ENPP3: variants seen among roughly 807,000 people sequenced by gnomAD.
ENPP3 encodes ectonucleotide pyrophosphatase/phosphodiesterase family member 3.
A neutral mutation model predicts 117.8 loss-of-function variants in ENPP3; 104 were observed. The ratio of observed to expected loss-of-function variants is 0.88; its 90% CI spans 0.75 to 1.04. The LOEUF (loss-of-function observed/expected upper bound fraction) is 1.04. Among genes scored for constraint, ENPP3 ranks in the 50% least tolerant of loss-of-function variants. ENPP3 has a pLI of 0.00. For missense variants in ENPP3, 1,026 were observed against 1,051.9 expected, an observed-to-expected ratio of 0.98 and a Z score of 0.34; for synonymous variants, 380 against 349.9, an observed-to-expected ratio of 1.09 and a Z score of -0.96.
intron 6 of ENPP3, among the ~76,000 whole-genome samples, chr6:131,665,933 A>C (rs1778607177): frequency 6.6e-6 from 1 of 152,088 alleles, no homozygotes; most frequent in African/African-American, 2.4e-5. Context: ...GATATTTTCT[A>C]ATTTCTCCTT....
intron 9 of ENPP3, 81 bp downstream of exon 9, chr6:131,675,270 T>G (rs1450413931): frequency 8.3e-6 from 8 of 966,358 alleles, no homozygotes; most frequent in Non-Finnish European, 1.1e-5. Flanking sequence ...GTGGCAATTC[T>G]ATTAATCCAG....
rs558591573 is a variant in ENPP3 at position 131,745,321 on chromosome 6, T to G, written c.2458-1465T>G. 3.9e-5 allele frequency among the ~76,000 whole-genome samples: 6 copies of G among 152,190 alleles called. No homozygotes were observed. In the South Asian group the frequency reaches 6.2e-4, roughly 16 times the overall value. On this transcript the variant is annotated intron_variant, in intron 24 of 24. Coordinates refer to ENST00000357639, the MANE Select transcript of ENPP3 (RefSeq NM_005021.5). Reference sequence around the variant, plus strand: ...GAATCTGACACAAGTGCTTTAATGGTTAGGAACAAAAAGTATTTCCTCTTA... The same window carrying G: ...GAATCTGACACAAGTGCTTTAATGGGTAGGAACAAAAAGTATTTCCTCTTA...
chr6:131,691,088 A>G (rs1779267464), intron 14 of ENPP3, among the ~76,000 whole-genome samples: 1 of 152,090 alleles, frequency 6.6e-6, no homozygotes, highest in Admixed American at 6.6e-5. Flanking sequence ...CTAGAGTTAC[A>G]AAGGCCCAAA....
intron 5 of ENPP3, among the ~76,000 whole-genome samples, chr6:131,656,230 A>G (rs1778381630): frequency 6.6e-6 from 1 of 152,218 alleles, no homozygotes; most frequent in South Asian, 2.1e-4. Context: ...AGTTCTTGGC[A>G]TGTAGTGAGC....
At chr6:131,720,161 A>G in intron 16 of ENPP3, 131 bp from the exon 17 acceptor site, 1 of 473,552 alleles carries the variant, frequency 2.1e-6, no homozygotes. Flanking sequence ...TTTCAAAACT[A>G]AAAAAAAATT....
chr6:131,678,952 T>C lies in ENPP3; in HGVS notation c.1011+1012T>C. 3.8e-5 allele frequency among the ~76,000 whole-genome samples: 4 copies of C among 104,626 alleles called. 1 individual carries two copies. The highest frequency in any genetic ancestry group is 2.5e-4 in the African/African-American group (4 of 15,832). The allele number at this position is 104,626 out of a possible 152,430, so 68.6% of individuals were successfully genotyped here. On this transcript the variant is annotated intron_variant, in intron 11 of 24. Transcript: ENST00000357639. The stretch of plus-strand genomic sequence containing the variant: ...TTCTTTCTTTCTTTCTTTCTTTCTT[T>C]CTTTCTTTCCTTCCTTCCTTCCTTC...
At chr6:131,678,755 C>T (rs1479192418) in intron 11 of ENPP3, among the ~76,000 whole-genome samples, 1 of 152,186 alleles carries the variant, frequency 6.6e-6, no homozygotes, top group Non-Finnish European at 1.5e-5. Context: ...TAGGGACTTA[C>T]TCAAGCCTCA....
chr6:131,675,983 T>A (rs898492268), intron 9 of ENPP3, among the ~76,000 whole-genome samples: 1 of 152,198 alleles, frequency 6.6e-6, no homozygotes, highest in Non-Finnish European at 1.5e-5. Context: ...GGTGTCCCCT[T>A]ACCTCTCAGA....
intron 24 of ENPP3, among the ~76,000 whole-genome samples, chr6:131,741,937 T>C (rs1005878324): frequency 6.6e-6 from 1 of 152,078 alleles, no homozygotes; most frequent in Non-Finnish European, 1.5e-5. Context: ...TGCTCACAAT[T>C]AGAAATCCAG....
Position 131,721,412 on chromosome 6 carries a change from T to C in ENPP3, c.1568-815T>C, listed in dbSNP as rs146991980. On this transcript the variant is annotated intron_variant, in intron 17 of 24. Transcript: ENST00000357639. Reference sequence around the variant, plus strand: ...TTCTTGTTCCACATGGCTAGGTTTATGGTCTGGACTGTTGGCCCTTTGCAG... The same window carrying C: ...TTCTTGTTCCACATGGCTAGGTTTACGGTCTGGACTGTTGGCCCTTTGCAG... 2.7e-4 allele frequency among the ~76,000 whole-genome samples: 41 copies of C among 152,316 alleles called. No homozygotes were observed. The East Asian group carries it at 6.2e-3, about 23-fold the overall frequency.
chr6:131,717,183 G>A (rs1035463399), intron 15 of ENPP3, among the ~76,000 whole-genome samples: 1 of 151,798 alleles, frequency 6.6e-6, no homozygotes, highest in African/African-American at 2.4e-5. Context: ...GTGTGGCCTG[G>A]TCAGATTTGT....
chr6:131,744,765 G>T (rs373981984), intron 24 of ENPP3, among the ~76,000 whole-genome samples: 1 of 151,602 alleles, frequency 6.6e-6, no homozygotes, highest in Non-Finnish European at 1.5e-5. Context: ...GTATTTTGGG[G>T]ATATACAATA....
intron 23 of ENPP3, among the ~76,000 whole-genome samples, chr6:131,739,908 T>TA (rs71270396): frequency 0.49 from 72,167 of 146,688 alleles, 19,550 homozygotes; most frequent in African/African-American, 0.74. Flanking sequence ...CCATCTCTAT[T>TA]AAAAAAAAAA....
intron 20 of ENPP3, among the ~76,000 whole-genome samples, chr6:131,732,919 G>C (rs61151031): frequency 8.1e-6 from 1 of 123,040 alleles, no homozygotes; most frequent in South Asian, 2.3e-4. Flanking sequence ...TAGTAGAGAC[G>C]GGGTTCACCA....
chr6:131,737,408 G>T lies in ENPP3; in HGVS notation c.2143G>T (p.Val715Leu), dbSNP rs779507152. ...QYDALITSNL[V>L]PMYEEFRKMW... ...TGATGCTTTAATTACTAGCAATTTG[G>T]TACCTATGTATGAAGAATTCAGAAG... Residue 715 changes from valine (V) to leucine (L), a missense_variant, in exon 22 of 25, where the codon GTA (valine) becomes TTA (leucine). Physicochemically the swap from Val to Leu is conservative, Grantham distance 32. Transcript: ENST00000357639. The T allele has an allele frequency of 2.0e-5, 32 of 1,598,636 alleles. No homozygotes were observed. The highest frequency in any genetic ancestry group is 2.7e-5 in the Non-Finnish European group (31 of 1,167,466).
At position 131,738,092 on chromosome 6, in the gene ENPP3, A is replaced by G; in HGVS notation, c.2229A>G (p.Val743=). 1.2e-6 allele frequency: 2 copies of G among 1,605,464 alleles called. No homozygotes were observed. Among genetic ancestry groups the G allele is most frequent in the Non-Finnish European group, 1.7e-6 (2 of 1,173,086 alleles). Residue 743 remains valine (V), a synonymous_variant, in exon 23 of 25, where the codon GTA becomes GTG. Transcript: ENST00000357639. ...AACATGCCACAGAAAGAAATGGAGT[A>G]AATGTGGTTAGTGGACCAATATTTG... ...LIKHATERNG[V]NVVSGPIFDY...
In ENPP3 at chr6:131,745,710, C is replaced by T. The variant is rs1780622081; in HGVS notation, c.2458-1076C>T. Among the ~76,000 whole-genome samples the T allele has an allele frequency of 1.2e-4, 18 of 152,174 alleles. No individual in the cohort carries two copies. In the South Asian group the frequency reaches 3.5e-3, roughly 30 times the overall value. ...AACAGACATAAAACACTATTTTACA[C>T]CCACGGTTTGGCAAAGATGTGGGGA... is the stretch of plus-strand genomic sequence containing the variant. On this transcript the variant is annotated intron_variant, in intron 24 of 24. Transcript: ENST00000357639.
At chr6:131,685,313 G>A (rs770279980) in intron 12 of ENPP3, 51 bp from the exon 13 acceptor site, 52 of 1,472,174 alleles carry the variant, frequency 3.5e-5, no homozygotes, top group Middle Eastern at 3.5e-4. Flanking sequence ...GAAATCAACC[G>A]TTGCCATTTA....
chr6:131,729,486 T>C (rs950130811), intron 20 of ENPP3, among the ~76,000 whole-genome samples: 4 of 152,198 alleles, frequency 2.6e-5, no homozygotes, highest in Non-Finnish European at 4.4e-5. Flanking sequence ...TCTATACTCA[T>C]CATTTACTTC....
Sources: allele counts gnomAD v4.1 joint callset (sites outside exome capture counted in the v4.1 genomes callset), GRCh38; gene constraint gnomAD v4.1.1; transcripts MANE v1.5; gene names NCBI Gene and HGNC (gene_info 2026-07-23, HGNC 2026-07-21).